Variants in RAP1A observed in about 807,000 individuals in gnomAD.
RAP1A encodes ras-related protein Rap-1A.
A neutral mutation model predicts 26.4 loss-of-function variants in RAP1A; 6 were observed. That is an observed-to-expected ratio of 0.23 (90% CI 0.12 to 0.45). The LOEUF (loss-of-function observed/expected upper bound fraction) is 0.45. RAP1A is among the 20% of genes least tolerant of loss of function. The pLI is 0.99. For synonymous variants in RAP1A, 73 were observed against 79.4 expected (o/e 0.92, Z 0.43); for missense variants, 121 against 217.2 (o/e 0.56, Z 2.78).
At chr1:111,654,100 C>T (rs113596437) in intron 1 of RAP1A, among the ~76,000 whole-genome samples, 1,672 of 152,306 alleles carry the variant, frequency 0.011, 25 homozygotes, top group African/African-American at 0.038. Context: ...GCATATCCTT[C>T]TAGTCTCAGG....
chr1:111,550,270 G>A (rs1214657966), intron 1 of RAP1A, among the ~76,000 whole-genome samples: 1 of 152,072 alleles, frequency 6.6e-6, no homozygotes, highest in African/African-American at 2.4e-5. Context: ...CCTTTTAAAA[G>A]AACCAACTTC....
At chr1:111,609,837 G>C (rs564281507) in intron 1 of RAP1A, among the ~76,000 whole-genome samples, 3 of 152,030 alleles carry the variant, frequency 2.0e-5, no homozygotes, top group African/African-American at 4.8e-5. Context: ...GTTTCACCTT[G>C]TTGGCCAGGC....
rs2101327147 is a variant in RAP1A, at chr1:111,714,129, A to T, written c.*1728A>T. 1 of 152,366 alleles carries T rather than the reference A, an allele frequency of 6.6e-6. No homozygotes were observed. Among genetic ancestry groups the T allele is most frequent in the East Asian group, 1.9e-4 (1 of 5,192 alleles). The allele number at this position is 152,366 out of a possible 1,614,324, so 9.4% of individuals were successfully genotyped here. On this transcript the variant is annotated 3_prime_UTR_variant, in exon 8 of 8. Transcript: ENST00000369709. Reference sequence around the variant, plus strand: ...ATGTTAAAGTATTGTTTTTAAAAAAATGGAAATTTTTTTTGTTTGTGTTTT... The same window carrying T: ...ATGTTAAAGTATTGTTTTTAAAAAATTGGAAATTTTTTTTGTTTGTGTTTT...
At chr1:111,652,908 C>T (rs939918153) in intron 1 of RAP1A, among the ~76,000 whole-genome samples, 2 of 152,174 alleles carry the variant, frequency 1.3e-5, no homozygotes, top group African/African-American at 4.8e-5. Context: ...TACGACCCAG[C>T]AGTTTTGCTG....
chr1:111,637,846 TCTA>T (rs1205625798), intron 1 of RAP1A, among the ~76,000 whole-genome samples: 13 of 152,132 alleles, frequency 8.5e-5, no homozygotes, highest in Admixed American at 6.5e-4. Flanking sequence ...TTATAAAAGT[TCTA>T]CTATGAATAT....
chr1:111,697,405 T>C, intron 3 of RAP1A, 36 bp from the exon 4 acceptor site: 1 of 1,606,688 alleles, frequency 6.2e-7, no homozygotes. Flanking sequence ...ATTTTGATGT[T>C]ACTCTTTAAC....
intron 1 of RAP1A, chr1:111,648,737 G>A (rs1293913587): frequency 3.4e-6 from 2 of 595,818 alleles, no homozygotes; most frequent in East Asian, 3.7e-5. Flanking sequence ...ACTGCGTGGT[G>A]ACCACTGTGG....
chr1:111,595,805 G>GTT (rs199826608), intron 1 of RAP1A, among the ~76,000 whole-genome samples: 1 of 151,822 alleles, frequency 6.6e-6, no homozygotes, highest in Admixed American at 6.6e-5. Flanking sequence ...TGTAAATGCT[G>GTT]TTTTTTTTCA....
At chr1:111,669,616 G>C (rs546129571) in intron 1 of RAP1A, among the ~76,000 whole-genome samples, 24 of 152,330 alleles carry the variant, frequency 1.6e-4, no homozygotes, top group African/African-American at 2.4e-4. Context: ...TTTTGGTTAA[G>C]CCACTTTTGA....
At chr1:111,555,016 A>C (rs946673949) in intron 1 of RAP1A, among the ~76,000 whole-genome samples, 1 of 152,108 alleles carries the variant, frequency 6.6e-6, no homozygotes, top group Non-Finnish European at 1.5e-5. Context: ...TATATAACAC[A>C]TTTAAAAGTA....
intron 1 of RAP1A, among the ~76,000 whole-genome samples, chr1:111,577,401 C>CAA (rs56156855): frequency 0.034 from 978 of 29,062 alleles, 187 homozygotes; most frequent in East Asian, 0.16. Context: ...GACTCCATCG[C>CAA]AAAAAAAAAA....
At chr1:111,589,723 T>A (rs1658435172) in intron 1 of RAP1A, among the ~76,000 whole-genome samples, 1 of 152,170 alleles carries the variant, frequency 6.6e-6, no homozygotes, top group Non-Finnish European at 1.5e-5. Flanking sequence ...TTTATTAATT[T>A]ATTTTTGCAA....
chr1:111,704,286 T>C, intron 5 of RAP1A, 57 bp from the exon 6 acceptor site: 1 of 1,547,110 alleles, frequency 6.5e-7, no homozygotes. Flanking sequence ...TTTATTTTTT[T>C]AAAAGGCTAA....
intron 4 of RAP1A, 103 bp from the exon 5 acceptor site, chr1:111,703,233 G>A (rs1571574326): frequency 1.3e-6 from 1 of 788,652 alleles, no homozygotes; most frequent in East Asian, 3.1e-5. Flanking sequence ...AGGATAGCAA[G>A]TAATAAAAAA....
rs977333356 is a variant in RAP1A, at chr1:111,657,801, A to C, written c.-27-33533A>C. Among the ~76,000 whole-genome samples, 5 of 152,276 alleles carry C rather than the reference A, an allele frequency of 3.3e-5. No individual in the cohort carries two copies. The East Asian group carries it at 7.7e-4, about 23-fold the overall frequency. ...TATTTCTGGACTGTCTTATTTTATA[A>C]ATTTTAATATGTTGTGTTTTCATTT... On this transcript the variant is annotated intron_variant, in intron 1 of 7. Coordinates refer to ENST00000369709, the MANE Select transcript of RAP1A (RefSeq NM_002884.4).
intron 1 of RAP1A, among the ~76,000 whole-genome samples, chr1:111,689,449 T>A (rs1475442076): frequency 6.6e-6 from 1 of 152,150 alleles, no homozygotes; most frequent in Non-Finnish European, 1.5e-5. Flanking sequence ...TTCTGCAGTA[T>A]TTAATATATT....
At chr1:111,614,855 C>T (rs1370445371), upstream of RAP1A, among the ~76,000 whole-genome samples, 1 of 152,014 alleles carries the variant, frequency 6.6e-6, no homozygotes, top group Non-Finnish European at 1.5e-5. Context: ...CAGTGACTTG[C>T]AAGGAATAAT....
At position 111,635,869 on chromosome 1, in the gene RAP1A, G is replaced by T. The variant is rs1369342808; in HGVS notation, c.-28+15935G>T. Among the ~76,000 whole-genome samples, 3 of 152,010 alleles carry T rather than the reference G, an allele frequency of 2.0e-5. 1 individual carries two copies. The highest frequency in any genetic ancestry group is 7.3e-5 in the African/African-American group (3 of 41,334). ...ATTACAGGTGTGAGCCACTGTGCCT[G>T]GCCAGCATTGATGTTTCCATGAAAC... is the stretch of plus-strand genomic sequence containing the variant. On this transcript the variant is annotated intron_variant, in intron 1 of 7. Transcript: ENST00000369709.
intron 1 of RAP1A, among the ~76,000 whole-genome samples, chr1:111,603,786 A>C (rs1424811940): frequency 6.6e-6 from 1 of 152,176 alleles, no homozygotes; most frequent in Non-Finnish European, 1.5e-5. Flanking sequence ...AGCTTTTAAA[A>C]AAACTTCCTT....
Sources: gnomAD v4.1 joint callset for allele counts (sites outside exome capture counted in the v4.1 genomes callset) on GRCh38, gnomAD v4.1.1 for gene constraint, MANE v1.5 for transcripts, NCBI Gene and HGNC (gene_info 2026-07-23, HGNC 2026-07-21) for gene names.